Variants in NR6A1 observed in about 807,000 individuals in gnomAD.
NR6A1 encodes the protein nuclear receptor subfamily 6 group A member 1.
Under a neutral mutation model 59.1 loss-of-function variants are expected in NR6A1, and 7 were observed. The observed-to-expected ratio is 0.12, with a 90% CI of 0.07 to 0.22. The LOEUF (loss-of-function observed/expected upper bound fraction) is 0.22. Ranked by LOEUF, NR6A1 falls within the 10% of genes least tolerant of loss-of-function variation. The pLI is 1.00. For synonymous variants in NR6A1, 243 were observed against 236.1 expected, an observed-to-expected ratio of 1.03 and a Z score of -0.27; for missense variants, 468 against 611.6, an observed-to-expected ratio of 0.77 and a Z score of 2.48.
At chr9:124,658,952 T>C (rs990190953) in intron 2 of NR6A1, among the ~76,000 whole-genome samples, 1 of 152,220 alleles carries the variant, frequency 6.6e-6, no homozygotes, top group African/African-American at 2.4e-5. Flanking sequence ...TGAAGTCAGT[T>C]ATTATAAGGA....
intron 7 of NR6A1, among the ~76,000 whole-genome samples, chr9:124,530,377 T>A (rs1833069747): frequency 2.0e-5 from 3 of 152,190 alleles, no homozygotes; most frequent in African/African-American, 7.2e-5. Flanking sequence ...ACAAAGTTGT[T>A]CTCTGTTCCA....
At chr9:124,710,854 T>C (rs1012075956) in intron 2 of NR6A1, among the ~76,000 whole-genome samples, 4 of 152,094 alleles carry the variant, frequency 2.6e-5, no homozygotes, top group African/African-American at 9.7e-5. Context: ...GTTGAGGAAA[T>C]TAGTGGTAGT....
At chr9:124,721,236 T>C (rs1198340053) in intron 2 of NR6A1, among the ~76,000 whole-genome samples, 1 of 152,138 alleles carries the variant, frequency 6.6e-6, no homozygotes, top group Non-Finnish European at 1.5e-5. Flanking sequence ...TCATCAACTG[T>C]AAACAAGTGC....
intron 2 of NR6A1, chr9:124,599,559 G>A: frequency 1.2e-6 from 1 of 838,344 alleles, no homozygotes; most frequent in Non-Finnish European, 1.7e-6. Flanking sequence ...TGGTCTTCCT[G>A]AGTGTCCGTG....
chr9:124,630,632 A>G (rs1273329238), intron 2 of NR6A1, among the ~76,000 whole-genome samples: 2 of 112,698 alleles, frequency 1.8e-5, no homozygotes, highest in Non-Finnish European at 3.7e-5. Flanking sequence ...TTGTTCTACT[A>G]TTTTATACTT....
intron 2 of NR6A1, among the ~76,000 whole-genome samples, chr9:124,731,141 G>C (rs1839872649): frequency 6.6e-6 from 1 of 152,126 alleles, no homozygotes. Context: ...GGAGGCCAAG[G>C]CAGGCGGATC....
At chr9:124,703,613 T>C (rs145959542) in intron 2 of NR6A1, among the ~76,000 whole-genome samples, 295 of 152,300 alleles carry the variant, frequency 1.9e-3, no homozygotes, top group Admixed American at 3.3e-3. Context: ...TCATGGTATA[T>C]AATACATTAT....
intron 5 of NR6A1, 34 bp downstream of exon 5, chr9:124,539,999 T>C (rs1588649863): frequency 1.9e-6 from 3 of 1,568,088 alleles, no homozygotes; most frequent in Non-Finnish European, 2.6e-6. Flanking sequence ...GGGGGATCCC[T>C]AGATGATGAC....
At chr9:124,762,642 G>A (rs1840813602) in intron 1 of NR6A1, among the ~76,000 whole-genome samples, 1 of 152,166 alleles carries the variant, frequency 6.6e-6, no homozygotes, top group African/African-American at 2.4e-5. Flanking sequence ...CCATATCAAT[G>A]AACTATGTGT....
chr9:124,608,834 T>G (rs1376441272), intron 2 of NR6A1, among the ~76,000 whole-genome samples: 1 of 152,218 alleles, frequency 6.6e-6, no homozygotes, highest in Non-Finnish European at 1.5e-5. Flanking sequence ...AGAATCACCA[T>G]TCTGACTGGT....
At chr9:124,741,904 C>T (rs1840182672) in intron 1 of NR6A1, among the ~76,000 whole-genome samples, 2 of 152,014 alleles carry the variant, frequency 1.3e-5, no homozygotes, top group South Asian at 2.1e-4. Context: ...TAGCCATGAT[C>T]GATATCAGGG....
At chr9:124,708,480 T>C (rs1021961058) in intron 2 of NR6A1, among the ~76,000 whole-genome samples, 10 of 152,246 alleles carry the variant, frequency 6.6e-5, no homozygotes, top group African/African-American at 2.2e-4. Flanking sequence ...CATTCACTCA[T>C]GCCAGATATA....
intron 2 of NR6A1, among the ~76,000 whole-genome samples, chr9:124,727,760 C>A (rs192181542): frequency 6.6e-6 from 1 of 152,100 alleles, no homozygotes; most frequent in Admixed American, 6.5e-5. Flanking sequence ...TCTTGGTTCA[C>A]TGCAACCTCT....
intron 2 of NR6A1, chr9:124,598,961 T>A (rs768208678): frequency 1.4e-6 from 1 of 715,950 alleles, no homozygotes; most frequent in Non-Finnish European, 2.6e-6. Context: ...ATTACCCACG[T>A]TGGGTTTCAG....
intron 2 of NR6A1, among the ~76,000 whole-genome samples, chr9:124,634,800 C>G (rs919326730): frequency 1.3e-5 from 2 of 151,880 alleles, no homozygotes; most frequent in African/African-American, 4.8e-5. Flanking sequence ...CCAGCCTGGG[C>G]GACAGAGCAA....
chr9:124,584,199 C>T (rs1564189903), intron 2 of NR6A1, among the ~76,000 whole-genome samples: 1 of 151,904 alleles, frequency 6.6e-6, no homozygotes, highest in East Asian at 1.9e-4. Flanking sequence ...CCTCCACCTC[C>T]CACGTTCAAG....
At chr9:124,731,672 G>A (rs368410196) in intron 2 of NR6A1, among the ~76,000 whole-genome samples, 36 of 152,066 alleles carry the variant, frequency 2.4e-4, no homozygotes, top group African/African-American at 5.3e-4. Flanking sequence ...AGACCTTAAC[G>A]ATGATTCACT....
intron 2 of NR6A1, among the ~76,000 whole-genome samples, chr9:124,695,071 A>T (rs547484001): frequency 4.6e-5 from 7 of 152,346 alleles, no homozygotes; most frequent in Admixed American, 1.3e-4. Context: ...CTAGCTTAAC[A>T]TCGGCTTCCT....
chr9:124,607,893 A>C (rs1056624837), intron 2 of NR6A1, among the ~76,000 whole-genome samples: 12 of 152,084 alleles, frequency 7.9e-5, no homozygotes, highest in Admixed American at 4.6e-4. Context: ...AAAATAAACA[A>C]GTAAATAAAT....
Sources: gnomAD v4.1 joint callset for allele counts (sites outside exome capture counted in the v4.1 genomes callset) on GRCh38, gnomAD v4.1.1 for gene constraint, MANE v1.5 for transcripts, NCBI Gene and HGNC (gene_info 2026-07-23, HGNC 2026-07-21) for gene names.